The following SLC5A8 variants were observed in gnomAD, a reference collection of about 807,000 sequenced individuals.
SLC5A8 encodes the protein sodium-coupled monocarboxylate transporter 1.
A neutral mutation model predicts 71.9 loss-of-function variants in SLC5A8; 55 were observed. That is an observed-to-expected ratio of 0.77 (90% confidence interval 0.62 to 0.96). The LOEUF is 0.96. Ranked by LOEUF, SLC5A8 falls within the 40% of genes least tolerant of loss-of-function variation. The probability of loss-of-function intolerance (pLI) is 0.00; values close to 1 mark genes in which losing one functional copy is unlikely to be tolerated. For missense variants in SLC5A8, 701 were observed against 745.3 expected (o/e 0.94, Z 0.69); for synonymous variants, 307 against 276.1 (o/e 1.11, Z -1.11).
intron 10 of SLC5A8, among the ~76,000 whole-genome samples, chr12:101,178,787 A>C (rs936167218): frequency 2.6e-5 from 4 of 152,028 alleles, no homozygotes; most frequent in African/African-American, 9.7e-5. Context: ...ACAATCCATG[A>C]AAGGACAAAT....
chr12:101,207,229 C>T (rs761753850), intron 1 of SLC5A8, among the ~76,000 whole-genome samples: 6 of 152,158 alleles, frequency 3.9e-5, no homozygotes, highest in African/African-American at 4.8e-5. Context: ...TCTGCACTGG[C>T]GTAAGCATTG....
intron 3 of SLC5A8, among the ~76,000 whole-genome samples, chr12:101,199,552 T>A (rs1410721919): frequency 6.6e-6 from 1 of 152,016 alleles, no homozygotes; most frequent in Non-Finnish European, 1.5e-5. Context: ...AGTCTAATAA[T>A]AAGCTAAGCC....
intron 6 of SLC5A8, among the ~76,000 whole-genome samples, chr12:101,190,020 A>G (rs1868828341): frequency 6.6e-6 from 1 of 152,232 alleles, no homozygotes; most frequent in Non-Finnish European, 1.5e-5. Context: ...GCAGGGTTAT[A>G]AATCCATGAC....
Position 101,182,831 on chromosome 12 carries a change from C to G in SLC5A8, c.1137G>C (p.Arg379Ser). 6.3e-7 allele frequency: 1 copy of G among 1,592,006 alleles called. No homozygotes were observed. Among genetic ancestry groups the G allele is most frequent in the Middle Eastern group, 1.7e-4 (1 of 6,014 alleles). Reference sequence around the variant, plus strand: ...TTCCTTGGGAAATCCAAGACAGAGACCTTTCTGAGAGCGATCTGAAGTAAG... The same window carrying G: ...TTCCTTGGGAAATCCAAGACAGAGAGCTTTCTGAGAGCGATCTGAAGTAAG... ...IKPYFRSLSE[R>S]SLSWISQGMS... The change falls in exon 9 of 15, where the codon AGG becomes AGC. Residue 379 changes from arginine to serine, a missense_variant. Coordinates refer to ENST00000536262, the MANE Select transcript of SLC5A8 (RefSeq NM_145913.5).
chr12:101,200,013 A>AAAAAAAAAAAAAAAAAAAAAAAAAAC (rs1869374170), intron 3 of SLC5A8, among the ~76,000 whole-genome samples: 1 of 38,772 alleles, frequency 2.6e-5, no homozygotes, highest in Non-Finnish European at 5.6e-5. Context: ...TACCAGCAAA[A>AAAAAAAAAAAAAAAAAAAAAAAAAAC]AAAAAAAAAA....
At chr12:101,190,370 A>C in intron 6 of SLC5A8, 98 bp downstream of exon 6, 1 of 1,322,518 alleles carries the variant, frequency 7.6e-7, no homozygotes, top group South Asian at 1.4e-5. Flanking sequence ...ATTTCATGAC[A>C]CAAAAGACAT....
Position 101,209,663 on chromosome 12 carries a change from G to A in SLC5A8, c.186C>T (p.Thr62=). Residue 62 remains threonine, a synonymous_variant, in exon 1 of 15, where the codon ACC becomes ACT. Coordinates refer to ENST00000536262, the MANE Select transcript of SLC5A8 (RefSeq NM_145913.5). ...MTAVPVALSL[T]ASFMSAVTVL... is the part of the protein sequence containing the mutation. The stretch of plus-strand genomic sequence containing the variant: ...CAGTGACGGCTGACATGAAGCTAGC[G>A]GTGAGGGACAGCGCCACGGGCACTG... 6.2e-7 allele frequency: 1 copy of A among 1,613,904 alleles called. No individual in the cohort carries two copies. The highest frequency in any genetic ancestry group is 8.5e-7 in the Non-Finnish European group (1 of 1,180,028).
chr12:101,190,843 T>C (rs1434136956), intron 5 of SLC5A8, among the ~76,000 whole-genome samples: 1 of 152,166 alleles, frequency 6.6e-6, no homozygotes, highest in Non-Finnish European at 1.5e-5. Flanking sequence ...GGGAAATGAA[T>C]GTTGCAATCC....
At chr12:101,200,448 G>A (rs546326894) in intron 3 of SLC5A8, among the ~76,000 whole-genome samples, 1 of 151,908 alleles carries the variant, frequency 6.6e-6, no homozygotes, top group East Asian at 1.9e-4. Flanking sequence ...AAAAAAGAAA[G>A]AAAGAAAAAC....
chr12:101,192,194 C>T (rs1455649747), intron 5 of SLC5A8, among the ~76,000 whole-genome samples: 1 of 152,176 alleles, frequency 6.6e-6, no homozygotes, highest in African/African-American at 2.4e-5. Flanking sequence ...GGGGTGGAAC[C>T]AAGGTCCAAG....
intron 7 of SLC5A8, among the ~76,000 whole-genome samples, chr12:101,186,697 T>C (rs1868659053): frequency 6.6e-6 from 1 of 152,218 alleles, no homozygotes; most frequent in Admixed American, 6.5e-5. Context: ...TCATAGAACC[T>C]ACATCAGAGG....
At chr12:101,185,583 T>TTTG (rs1052378146) in intron 7 of SLC5A8, among the ~76,000 whole-genome samples, 14 of 151,606 alleles carry the variant, frequency 9.2e-5, no homozygotes, top group African/African-American at 3.4e-4. Context: ...TTTTGTATTT[T>TTTG]TTGTTTGTTT....
chr12:101,162,071 T>C lies in SLC5A8; in HGVS notation c.1533A>G (p.Pro511=). 6.2e-7 allele frequency: 1 copy of C among 1,612,608 alleles called. No homozygotes were observed. The highest frequency in any genetic ancestry group is 8.5e-7 in the Non-Finnish European group (1 of 1,178,832). Residue 511 remains proline (P), a synonymous_variant, in exon 13 of 15, where the codon CCA becomes CCG. Coordinates refer to ENST00000536262, the MANE Select transcript of SLC5A8 (RefSeq NM_145913.5). ...VFQIYNVQRT[P]LMDNWYSLSY... is the part of the protein sequence containing the mutation. ...ATAAAGAATACCAGTTATCCATCAG[T>C]GGAGTCCTAAGAGAGCAAAAACACA...
At chr12:101,180,737 A>G (rs1248654616) in intron 9 of SLC5A8, among the ~76,000 whole-genome samples, 2 of 152,076 alleles carry the variant, frequency 1.3e-5, no homozygotes, top group Non-Finnish European at 2.9e-5. Flanking sequence ...TTTTTTTCAT[A>G]GAGACGGGGT....
rs564021764 is a variant in SLC5A8, at chr12:101,204,205, T to C, written c.417+295A>G. 1.8e-4 allele frequency among the ~76,000 whole-genome samples: 27 copies of C among 152,358 alleles called. No individual in the cohort carries two copies. In the South Asian group the frequency reaches 5.4e-3, roughly 30 times the overall value. The stretch of plus-strand genomic sequence containing the variant: ...ATGTAGTAATGCCCTTCCTGTCACC[T>C]TGGTGGAGGTGAAGGGAGGTCAGAT... On this transcript the variant is annotated intron_variant, in intron 2 of 14. Coordinates refer to ENST00000536262, the MANE Select transcript of SLC5A8 (RefSeq NM_145913.5).
At chr12:101,163,261 T>A (rs2051739668) in intron 12 of SLC5A8, among the ~76,000 whole-genome samples, 1 of 152,232 alleles carries the variant, frequency 6.6e-6, no homozygotes, top group African/African-American at 2.4e-5. Context: ...CAATGATTGC[T>A]CTAGGATTCC....
chr12:101,170,844 C>T (rs2051822687), intron 10 of SLC5A8, among the ~76,000 whole-genome samples: 1 of 152,180 alleles, frequency 6.6e-6, no homozygotes. Flanking sequence ...AAGCCACCTC[C>T]TCCATGATGT....
chr12:101,170,495 T>C (rs1202350977), intron 10 of SLC5A8, among the ~76,000 whole-genome samples: 1 of 152,072 alleles, frequency 6.6e-6, no homozygotes, highest in Admixed American at 6.5e-5. Flanking sequence ...TTTTGCTTCA[T>C]GTATCCCAGC....
intron 7 of SLC5A8, among the ~76,000 whole-genome samples, 169 bp downstream of exon 7, chr12:101,187,217 C>T (rs1433581856): frequency 6.6e-6 from 1 of 152,148 alleles, no homozygotes; most frequent in African/African-American, 2.4e-5. Context: ...ACTCTTCATT[C>T]TTGCTATATC....
Sources: allele counts gnomAD v4.1 joint callset (sites outside exome capture counted in the v4.1 genomes callset), GRCh38; gene constraint gnomAD v4.1.1; transcripts MANE v1.5; gene names NCBI Gene and HGNC (gene_info 2026-07-23, HGNC 2026-07-21).